Variants in KCNQ1 observed in about 807,000 individuals in gnomAD.
The protein encoded by KCNQ1 is potassium voltage-gated channel subfamily KQT member 1.
KCNQ1 carries 49 observed loss-of-function variants against 72.4 expected under a neutral mutation model. That is an observed-to-expected ratio of 0.68 (90% CI 0.54 to 0.86). KCNQ1 has a LOEUF of 0.86. Ranked by LOEUF, KCNQ1 falls within the 40% of genes least tolerant of loss-of-function variation. KCNQ1 has a pLI of 0.00. For synonymous variants in KCNQ1, 450 were observed against 412.6 expected (o/e 1.09, Z -1.10); for missense variants, 790 against 945.1 (o/e 0.84, Z 2.15).
At position 2,802,298 on chromosome 11, in the gene KCNQ1, G is replaced by T. The variant is rs188161501; in HGVS notation, c.1794+24261G>T. ...GGCAGCAGGACAGGGGTTTAGCCCT[G>T]GCTCCGGCCCTGTCGCCAGCCGGCA... On this transcript the variant is annotated intron_variant, in intron 15 of 15. Coordinates refer to ENST00000155840, the MANE Select transcript of KCNQ1 (RefSeq NM_000218.3). Among the ~76,000 whole-genome samples the T allele has an allele frequency of 9.1e-3, 1,388 of 152,332 alleles. 82 individuals carry two copies. Among genetic ancestry groups the T allele is most frequent in the Admixed American group, 0.083 (1,265 of 15,300 alleles).
rs559509969 is a variant in KCNQ1, at chr11:2,720,500, C to G, written c.1515-48344C>G. 6.6e-6 allele frequency among the ~76,000 whole-genome samples: 1 copy of G among 152,182 alleles called. No individual in the cohort carries two copies. The highest frequency in any genetic ancestry group is 1.5e-5 in the Non-Finnish European group (1 of 68,022). On this transcript the variant is annotated intron_variant, in intron 11 of 15. Transcript: ENST00000155840. This position sits in a 1 kb window ranked among gnomAD's most constrained non-coding sequence, Gnocchi z 5.1. ...CCCTCGAAGCTCACCTGGCCTCTCT[C>G]TGTAAGGGGAGAGGGACCCAGGGCT... is the stretch of plus-strand genomic sequence containing the variant.
chr11:2,475,350 T>C lies in KCNQ1; in HGVS notation c.386+29866T>C, dbSNP rs1286601799. Among the ~76,000 whole-genome samples the C allele has an allele frequency of 6.6e-6, 1 of 152,138 alleles. No homozygotes were observed. The highest frequency in any genetic ancestry group is 1.5e-5 in the Non-Finnish European group (1 of 68,040). On this transcript the variant is annotated intron_variant, in intron 1 of 15. Transcript: ENST00000155840. This position sits in a 1 kb window ranked among gnomAD's most constrained non-coding sequence, Gnocchi z 5.8. ...TTCTGAGCTGAGTAGTGGTCTGTGG[T>C]GTGGATGGACTACGTGCAGCTGTCT...
At chr11:2,470,379 C>G (rs750221967) in intron 1 of KCNQ1, among the ~76,000 whole-genome samples, 4 of 152,046 alleles carry the variant, frequency 2.6e-5, no homozygotes, top group Admixed American at 6.6e-5. Flanking sequence ...ACTTGCGAGA[C>G]TTTAGTTAGA....
At chr11:2,686,718 C>T (rs895845456) in intron 11 of KCNQ1, 10 of 398,510 alleles carry the variant, frequency 2.5e-5, no homozygotes, top group African/African-American at 1.4e-4. Context: ...AAGTCCTACT[C>T]GGCCCCACTT....
intron 11 of KCNQ1, among the ~76,000 whole-genome samples, chr11:2,721,715 G>A (rs113571139): frequency 6.8e-4 from 103 of 152,320 alleles, no homozygotes; most frequent in African/African-American, 1.9e-3. Flanking sequence ...GCCTCCGGCC[G>A]TTTGTCTCTT....
In KCNQ1 at chr11:2,826,326, G is replaced by A. The variant is rs985237197; in HGVS notation, c.1795-21441G>A. ...GGCGGGGAGGGCAGGTTAACCCTTC[G>A]GGCTCCAGTATTCCCCAGCTTCCCA... is the stretch of plus-strand genomic sequence containing the variant. On this transcript the variant is annotated intron_variant, in intron 15 of 15. Transcript: ENST00000155840. This position sits in a 1 kb window ranked among gnomAD's most constrained non-coding sequence, Gnocchi z 4.2. 6.6e-6 allele frequency among the ~76,000 whole-genome samples: 1 copy of A among 152,206 alleles called. No homozygotes were observed. Among genetic ancestry groups the A allele is most frequent in the East Asian group, 1.9e-4 (1 of 5,194 alleles).
At chr11:2,765,297 G>T (rs1371706435) in intron 11 of KCNQ1, among the ~76,000 whole-genome samples, 1 of 152,164 alleles carries the variant, frequency 6.6e-6, no homozygotes, top group East Asian at 1.9e-4. Flanking sequence ...AATACATGGA[G>T]ATTCCCTAGT....
chr11:2,776,080 G>A lies in KCNQ1; in HGVS notation c.1685+26G>A, dbSNP rs752235428. 9.1e-6 allele frequency: 14 copies of A among 1,534,556 alleles called. 1 individual carries two copies. The highest frequency in any genetic ancestry group is 2.0e-5 in the Admixed American group (1 of 50,936). On this transcript the variant is annotated intron_variant, in intron 13 of 15. Transcript: ENST00000155840. ...GTGGGCACGGCCAAACGGCAGCGGG[G>A]AGGGTGCCCAGGTCCTGCCCAGCCC... is the stretch of plus-strand genomic sequence containing the variant.
At chr11:2,774,544 C>G (rs925277426) in intron 12 of KCNQ1, among the ~76,000 whole-genome samples, 10 of 152,196 alleles carry the variant, frequency 6.6e-5, no homozygotes, top group Non-Finnish European at 5.9e-5. Flanking sequence ...GAGGCCCAGC[C>G]TTTGGTAGGG....
rs917830516 is a variant in KCNQ1 at position 2,630,148 on chromosome 11, C to T, written c.1394-31813C>T. ...ATGGAAGGATGTTGAATTATGTGAA[C>T]TGCATTATTTGCACTTATCAAAATG... On this transcript the variant is annotated intron_variant, in intron 10 of 15. Transcript: ENST00000155840. The T allele has an allele frequency of 5.0e-5, 20 of 398,286 alleles. No homozygotes were observed. The East Asian group carries it at 7.1e-4, about 14-fold the overall frequency. 24.7% of individuals were successfully genotyped at this position (398,286 alleles called of 1,614,324 possible).
Position 2,486,690 on chromosome 11 carries a change from G to T in KCNQ1, c.386+41206G>T, listed in dbSNP as rs1846744827. On this transcript the variant is annotated intron_variant, in intron 1 of 15. Coordinates refer to ENST00000155840, the MANE Select transcript of KCNQ1 (RefSeq NM_000218.3). The surrounding 1 kb of genome is among the most constrained non-coding windows in gnomAD (Gnocchi z 5.0). ...CTGCTTCTGGCGAGAGCCTCAGGAA[G>T]CTTCCAATCACGGCAGAAGGTGAAG... Among the ~76,000 whole-genome samples, 1 of 152,250 alleles carries T rather than the reference G, an allele frequency of 6.6e-6. No homozygotes were observed. Among genetic ancestry groups the T allele is most frequent in the Admixed American group, 6.5e-5 (1 of 15,290 alleles).
intron 11 of KCNQ1, among the ~76,000 whole-genome samples, chr11:2,718,616 G>A (rs147304236): frequency 2.3e-3 from 354 of 152,346 alleles, no homozygotes; most frequent in African/African-American, 7.3e-3. Flanking sequence ...TCCAGAAGTC[G>A]TCTACGTGCT....
At chr11:2,685,300 G>A in intron 11 of KCNQ1, 1 of 398,694 alleles carries the variant, frequency 2.5e-6, no homozygotes, top group Non-Finnish European at 4.4e-6. Context: ...TGCACACAGA[G>A]TATCGATCTG....
rs1846834754 is a variant in KCNQ1, at chr11:2,782,178, G to A, written c.1794+4141G>A. Among the ~76,000 whole-genome samples, 1 of 152,128 alleles carries A rather than the reference G, an allele frequency of 6.6e-6. No individual in the cohort carries two copies. The highest frequency in any genetic ancestry group is 1.5e-5 in the Non-Finnish European group (1 of 68,024). ...GCACCCCCAGAGCCGCCGTGCTGCT[G>A]TTCATCCTCTCCCTTTAGCCCAACC... is the stretch of plus-strand genomic sequence containing the variant. On this transcript the variant is annotated intron_variant, in intron 15 of 15. Coordinates refer to ENST00000155840, the MANE Select transcript of KCNQ1 (RefSeq NM_000218.3). This position sits in a 1 kb window ranked among gnomAD's most constrained non-coding sequence, Gnocchi z 6.1.
chr11:2,571,126 A>G (rs1263588936), intron 3 of KCNQ1, among the ~76,000 whole-genome samples, 199 bp from the exon 4 acceptor site: 1 of 152,244 alleles, frequency 6.6e-6, no homozygotes, highest in East Asian at 1.9e-4. Context: ...GGGGCTCCAC[A>G]TGGCCAGGAC....
At chr11:2,633,376 T>C in intron 10 of KCNQ1, 1 of 398,584 alleles carries the variant, frequency 2.5e-6, no homozygotes, top group Non-Finnish European at 4.4e-6. Context: ...TTTAGTTTGA[T>C]ACAGTCCCAT....
At chr11:2,625,692 C>A (rs1007751212) in intron 10 of KCNQ1, 3 of 397,578 alleles carry the variant, frequency 7.5e-6, no homozygotes, top group African/African-American at 6.2e-5. Context: ...TCTCCTGCCT[C>A]CCGAGTAGCT....
chr11:2,633,430 C>T, intron 10 of KCNQ1: 1 of 398,438 alleles, frequency 2.5e-6, no homozygotes, highest in Non-Finnish European at 4.4e-6. Flanking sequence ...AAAGTCTTAC[C>T]CATAAAATCT....
chr11:2,658,982 A>C lies in KCNQ1; in HGVS notation c.1394-2979A>C, dbSNP rs1849901857. ...GCTTTAACCATAGAGTGTCCAGTCA[A>C]AACAGTGTTTTTGAAAGCAACATAT... is the stretch of plus-strand genomic sequence containing the variant. On this transcript the variant is annotated intron_variant, in intron 10 of 15. Coordinates refer to ENST00000155840, the MANE Select transcript of KCNQ1 (RefSeq NM_000218.3). The surrounding 1 kb of genome is among the most constrained non-coding windows in gnomAD (Gnocchi z 4.9). The C allele has an allele frequency of 2.5e-6, 1 of 398,444 alleles. No individual in the cohort carries two copies. The highest frequency in any genetic ancestry group is 4.4e-5 in the Admixed American group (1 of 22,698). The allele number at this position is 398,444 out of a possible 1,614,324, so 24.7% of individuals were successfully genotyped here.
Sources: gnomAD v4.1 joint callset for allele counts (sites outside exome capture counted in the v4.1 genomes callset) on GRCh38, gnomAD v4.1.1 for gene constraint, Gnocchi (gnomAD v3.1) non-coding constraint, MANE v1.5 for transcripts, NCBI Gene and HGNC (gene_info 2026-07-23, HGNC 2026-07-21) for gene names.